The following DIP2C variants were observed in gnomAD, a reference collection of about 807,000 sequenced individuals.
DIP2C encodes DIP2 acetate--CoA ligase C (putative).
DIP2C carries 33 observed loss-of-function variants against 192.4 expected under a neutral mutation model. That is an observed-to-expected ratio of 0.17 (90% CI 0.13 to 0.23). DIP2C has a LOEUF of 0.23. Ranked by LOEUF, DIP2C falls within the 10% of genes least tolerant of loss-of-function variation. DIP2C has a pLI of 1.00. For synonymous variants in DIP2C, 979 were observed against 864.1 expected (o/e 1.13, Z -2.33); for missense variants, 1,537 against 2,110.1 (o/e 0.73, Z 5.32).
intron 1 of DIP2C, among the ~76,000 whole-genome samples, chr10:641,268 G>A (rs1855180978): frequency 6.6e-6 from 1 of 152,198 alleles, no homozygotes; most frequent in South Asian, 2.1e-4. Context: ...CAAATGGGCA[G>A]TTTTGGGGCC....
intron 29 of DIP2C, among the ~76,000 whole-genome samples, chr10:336,426 T>C (rs192315403): frequency 5.9e-5 from 9 of 152,348 alleles, no homozygotes; most frequent in Admixed American, 2.0e-4. Flanking sequence ...CATACAATCA[T>C]GTCTTCAGTT....
chr10:363,205 C>T lies in DIP2C; in HGVS notation c.2584G>A (p.Val862Met), dbSNP rs1049415191. ...GGGCGAGGGAGGGCAACCTGCAGCACACGGCTCATCCACTGGAAACTGTCC... is the reference window on the plus strand; with the variant it reads ...GGGCGAGGGAGGGCAACCTGCAGCATACGGCTCATCCACTGGAAACTGTCC... ...EEDSFQWMSR[V>M]LQAIDSIHQV... Residue 862 changes from valine (V) to methionine (M), a missense_variant, in exon 21 of 37, where the codon GTG (valine) becomes ATG (methionine). Coordinates refer to ENST00000280886, the MANE Select transcript of DIP2C (RefSeq NM_014974.3). This position sits in a 1 kb window ranked among gnomAD's most constrained non-coding sequence, Gnocchi z 5.4. 1 of 1,613,528 alleles carries T rather than the reference C, an allele frequency of 6.2e-7. No individual in the cohort carries two copies. Among genetic ancestry groups the T allele is most frequent in the Admixed American group, 1.7e-5 (1 of 59,996 alleles).
At chr10:634,540 A>T (rs1854721438) in intron 1 of DIP2C, among the ~76,000 whole-genome samples, 1 of 152,286 alleles carries the variant, frequency 6.6e-6, no homozygotes, top group African/African-American at 2.4e-5. Context: ...CAGGCCACCA[A>T]TTAGTACTTA....
intron 1 of DIP2C, among the ~76,000 whole-genome samples, chr10:573,702 G>A (rs1012156525): frequency 3.5e-4 from 53 of 152,028 alleles, no homozygotes; most frequent in Admixed American, 3.2e-3. Context: ...GAGCCATCAC[G>A]CCGGCTTTTT....
At chr10:387,969 G>A (rs1047992894) in intron 13 of DIP2C, among the ~76,000 whole-genome samples, 160 bp from the exon 14 acceptor site, 5 of 152,300 alleles carry the variant, frequency 3.3e-5, no homozygotes, top group East Asian at 3.9e-4. Context: ...CAAGTAGGCC[G>A]GTTTGAGTGC....
chr10:394,839 C>T (rs1422920471), intron 10 of DIP2C, among the ~76,000 whole-genome samples: 1 of 145,138 alleles, frequency 6.9e-6, no homozygotes, highest in African/African-American at 2.6e-5. Flanking sequence ...CTGCTCTGTG[C>T]TGAACCGAAG....
At chr10:400,531 C>T (rs971059444) in intron 9 of DIP2C, among the ~76,000 whole-genome samples, 1 of 152,188 alleles carries the variant, frequency 6.6e-6, no homozygotes, top group Non-Finnish European at 1.5e-5. Flanking sequence ...ACATTTTCAT[C>T]AGCACATGAA....
chr10:318,143 G>A lies in DIP2C; in HGVS notation c.3925-8051C>T, dbSNP rs146780004. 1.9e-3 allele frequency among the ~76,000 whole-genome samples: 295 copies of A among 152,270 alleles called. 1 individual carries two copies. The highest frequency in any genetic ancestry group is 6.5e-3 in the African/African-American group (269 of 41,550). On this transcript the variant is annotated intron_variant, in intron 31 of 36. Transcript: ENST00000280886. ...CGAGAACACAGTGATGCTGGATGGC[G>A]AAAGGGAGGGGTGGGAGCAGCCACC... is the stretch of plus-strand genomic sequence containing the variant.
intron 1 of DIP2C, among the ~76,000 whole-genome samples, chr10:619,149 A>G (rs1853669354): frequency 6.6e-6 from 1 of 152,162 alleles, no homozygotes; most frequent in Admixed American, 6.5e-5. Context: ...TGCAGTTCCC[A>G]GAACACTGAT....
intron 1 of DIP2C, among the ~76,000 whole-genome samples, chr10:571,439 C>CT (rs1324110040): frequency 1.3e-5 from 2 of 151,670 alleles, no homozygotes; most frequent in African/African-American, 4.9e-5. Flanking sequence ...CTCCTGCCCA[C>CT]TGCCCTCTCT....
At position 364,995 on chromosome 10, in the gene DIP2C, A is replaced by G. The variant is rs375920111; in HGVS notation, c.2269-413T>C. On this transcript the variant is annotated intron_variant, in intron 19 of 36. Coordinates refer to ENST00000280886, the MANE Select transcript of DIP2C (RefSeq NM_014974.3). ...AAAGTAATCTCTCTTCATTCATAAA[A>G]TGTTATTTGCCCTTGTTGGAAGTAT... is the stretch of plus-strand genomic sequence containing the variant. 5.7e-4 allele frequency: 302 copies of G among 533,860 alleles called. 3 individuals carry two copies. The highest frequency in any genetic ancestry group is 4.0e-3 in the South Asian group (283 of 70,214). 33.1% of individuals were successfully genotyped at this position (533,860 alleles called of 1,614,324 possible).
chr10:579,961 AC>A (rs941394883), intron 1 of DIP2C, among the ~76,000 whole-genome samples: 2 of 151,688 alleles, frequency 1.3e-5, no homozygotes, highest in African/African-American at 4.9e-5. Flanking sequence ...TGAATAAAGC[AC>A]AGCCATAGCC....
chr10:465,917 T>A lies in DIP2C; in HGVS notation c.268+6522A>T, dbSNP rs1389734085. Among the ~76,000 whole-genome samples the A allele has an allele frequency of 4.6e-5, 7 of 152,260 alleles. No individual in the cohort carries two copies. The East Asian group carries it at 1.4e-3, about 29-fold the overall frequency. On this transcript the variant is annotated intron_variant, in intron 3 of 36. Coordinates refer to ENST00000280886, the MANE Select transcript of DIP2C (RefSeq NM_014974.3). ...TACAAACAAATGGAAGAACATTCCA[T>A]GCTCTTGGGTAGGAAGAATCAATAT...
chr10:277,710 G>A (rs902214195), intron 36 of DIP2C, 133 bp from the exon 37 acceptor site: 29 of 1,236,850 alleles, frequency 2.3e-5, no homozygotes, highest in Admixed American at 1.8e-4. Flanking sequence ...GCCTCTCCAC[G>A]TCCTCCGTCT....
At chr10:529,941 G>A (rs1847270472) in intron 1 of DIP2C, among the ~76,000 whole-genome samples, 1 of 152,212 alleles carries the variant, frequency 6.6e-6, no homozygotes, top group African/African-American at 2.4e-5. Context: ...TCATTTCTTT[G>A]CTAACAAATT....
At chr10:607,858 C>A (rs774214972) in intron 1 of DIP2C, among the ~76,000 whole-genome samples, 14 of 151,988 alleles carry the variant, frequency 9.2e-5, no homozygotes, top group Non-Finnish European at 1.8e-4. Flanking sequence ...TCAAACAAAG[C>A]CAAAGTAGGC....
intron 1 of DIP2C, among the ~76,000 whole-genome samples, chr10:595,617 G>C (rs897204675): frequency 7.1e-6 from 1 of 140,706 alleles, no homozygotes; most frequent in Non-Finnish European, 1.6e-5. Context: ...CTTTTAAAAA[G>C]CTCCAGTTGT....
intron 1 of DIP2C, among the ~76,000 whole-genome samples, chr10:543,942 C>G (rs1472933563): frequency 7.9e-5 from 12 of 152,274 alleles, no homozygotes; most frequent in African/African-American, 2.9e-4. Context: ...CTGGCAATCG[C>G]CAGCCGACTT....
At chr10:467,490 C>T (rs1279024205) in intron 3 of DIP2C, among the ~76,000 whole-genome samples, 4 of 142,430 alleles carry the variant, frequency 2.8e-5, no homozygotes, top group Non-Finnish European at 6.0e-5. Flanking sequence ...ATGTAACTAA[C>T]CTGCACAATG....
Sources: gnomAD v4.1 joint callset for allele counts (sites outside exome capture counted in the v4.1 genomes callset) on GRCh38, gnomAD v4.1.1 for gene constraint, Gnocchi (gnomAD v3.1) non-coding constraint, MANE v1.5 for transcripts, NCBI Gene and HGNC (gene_info 2026-07-23, HGNC 2026-07-21) for gene names.